VPS13B: variants seen among roughly 807,000 people sequenced by gnomAD.
VPS13B encodes the protein vacuolar protein sorting 13 homolog B.
VPS13B carries 285 observed loss-of-function variants against 426.4 expected under a neutral mutation model. The ratio of observed to expected loss-of-function variants is 0.67; its 90% confidence interval spans 0.61 to 0.74. The LOEUF (loss-of-function observed/expected upper bound fraction) is 0.74. Ranked by LOEUF, VPS13B falls within the 30% of genes least tolerant of loss-of-function variation. The pLI is 0.00. For synonymous variants in VPS13B, 1,676 were observed against 1,676.4 expected (o/e 1.00, Z 0.01); for missense variants, 4,537 against 4,782.6 (o/e 0.95, Z 1.51).
intron 43 of VPS13B, among the ~76,000 whole-genome samples, chr8:99,793,780 G>C (rs2130735821): frequency 6.6e-6 from 1 of 152,250 alleles, no homozygotes; most frequent in South Asian, 2.1e-4. Context: ...GGGCAGGAAG[G>C]ATGGTATATT....
At chr8:99,335,309 C>T (rs1406729801) in intron 19 of VPS13B, among the ~76,000 whole-genome samples, 1 of 152,126 alleles carries the variant, frequency 6.6e-6, no homozygotes, top group Non-Finnish European at 1.5e-5. Flanking sequence ...AAAAAACCAG[C>T]TCCTGGATTC....
intron 34 of VPS13B, among the ~76,000 whole-genome samples, chr8:99,656,573 A>T (rs1830026906): frequency 6.6e-6 from 1 of 152,180 alleles, no homozygotes; most frequent in Non-Finnish European, 1.5e-5. Context: ...TGTAGACCTG[A>T]TGATGGAATT....
intron 21 of VPS13B, among the ~76,000 whole-genome samples, chr8:99,392,462 C>G (rs1814498022): frequency 6.6e-6 from 1 of 151,018 alleles, no homozygotes; most frequent in Non-Finnish European, 1.5e-5. Flanking sequence ...TATGTCTTTT[C>G]TTTAGCTTTA....
At chr8:99,657,595 T>C (rs1221938931) in intron 34 of VPS13B, among the ~76,000 whole-genome samples, 1 of 152,122 alleles carries the variant, frequency 6.6e-6, no homozygotes. Context: ...TCTTTTAGTA[T>C]ATGAGAGTCA....
intron 25 of VPS13B, among the ~76,000 whole-genome samples, chr8:99,496,971 G>A (rs1022045813): frequency 4.7e-5 from 7 of 150,366 alleles, no homozygotes; most frequent in African/African-American, 1.2e-4. Context: ...TTTTGGTAAC[G>A]TCTTCCTTAA....
At chr8:99,289,504 G>A (rs1252441486) in intron 19 of VPS13B, among the ~76,000 whole-genome samples, 1 of 152,066 alleles carries the variant, frequency 6.6e-6, no homozygotes, top group African/African-American at 2.4e-5. Context: ...TTGAGAACTA[G>A]AAAGAACATT....
chr8:99,807,033 G>C (rs1813437458), intron 43 of VPS13B, among the ~76,000 whole-genome samples: 1 of 152,170 alleles, frequency 6.6e-6, no homozygotes, highest in African/African-American at 2.4e-5. Flanking sequence ...ATGATATTTA[G>C]ATGTTTTTTA....
In VPS13B at chr8:99,767,493, C is replaced by CAAAAA. The variant is rs869220303; in HGVS notation, c.7247+544_7247+548dup. 1.3e-3 allele frequency among the ~76,000 whole-genome samples: 42 copies of CAAAAA among 33,310 alleles called. 2 individuals carry two copies. Among genetic ancestry groups the CAAAAA allele is most frequent in the East Asian group, 3.2e-3 (3 of 936 alleles). 21.9% of individuals were successfully genotyped at this position (33,310 alleles called of 152,430 possible). On this transcript the variant is annotated intron_variant, in intron 40 of 61. Coordinates refer to ENST00000357162, the MANE Select transcript of VPS13B (RefSeq NM_152564.5). ...CCTAGGTGACAAAGTGCAACTCTCTCAAAAAAAAAAAAAAAAAAAAAAAAA... is the reference window on the plus strand; with the variant it reads ...CCTAGGTGACAAAGTGCAACTCTCTCAAAAAAAAAAAAAAAAAAAAAAAAAAAAAA...
intron 3 of VPS13B, among the ~76,000 whole-genome samples, chr8:99,050,284 GTTTGGTTT>G (rs1333397535): frequency 6.6e-6 from 1 of 151,874 alleles, no homozygotes; most frequent in Non-Finnish European, 1.5e-5. Context: ...AACATGCAGT[GTTTGGTTT>G]TTTGTCCTTG....
At chr8:99,800,619 T>C (rs533093352) in intron 43 of VPS13B, among the ~76,000 whole-genome samples, 35 of 151,434 alleles carry the variant, frequency 2.3e-4, no homozygotes, top group Admixed American at 3.9e-4. Context: ...TTAGATTTAA[T>C]TTTTTTTTAG....
chr8:99,244,306 T>C (rs1296563467), intron 17 of VPS13B, among the ~76,000 whole-genome samples: 1 of 152,230 alleles, frequency 6.6e-6, no homozygotes, highest in East Asian at 1.9e-4. Context: ...ATTATAAATA[T>C]TTCAAGTTGC....
rs1325259646 is a variant in VPS13B, at chr8:99,143,144, C to T, written c.1822C>T (p.Pro608Ser). The change falls in exon 13 of 62, where the codon CCA becomes TCA. Residue 608 changes from proline (P) to serine (S), a missense_variant. Physicochemically the swap from Pro to Ser is moderately conservative, Grantham distance 74. Coordinates refer to ENST00000357162, the MANE Select transcript of VPS13B (RefSeq NM_152564.5). ...GTGTGCCTTGGAACATGAATATGAA[C>T]CATATAGCAGGCTAAAATCAGGTTT... Reference protein sequence around the residue: ...IVCALEHEYEPYSRLKSDIKD... With the variant: ...IVCALEHEYESYSRLKSDIKD... The T allele has an allele frequency of 3.1e-6, 5 of 1,613,800 alleles. No homozygotes were observed. Among genetic ancestry groups the T allele is most frequent in the Non-Finnish European group, 4.2e-6 (5 of 1,179,946 alleles).
chr8:99,831,076 C>CTTTTTTTTTTTTTTT lies in VPS13B; in HGVS notation c.9331-1279_9331-1278insTTTTTTTTTTTTTTT, dbSNP rs773817774. Among the ~76,000 whole-genome samples the CTTTTTTTTTTTTTTT allele has an allele frequency of 4.2e-3, 507 of 119,984 alleles. 49 individuals carry two copies. The highest frequency in any genetic ancestry group is 0.015 in the African/African-American group (466 of 31,218). 78.7% of individuals were successfully genotyped at this position (119,984 alleles called of 152,430 possible). On this transcript the variant is annotated intron_variant, in intron 51 of 61. Transcript: ENST00000357162. ...CTTGCCCGGGAATTGGTGTTTTTTT[C>CTTTTTTTTTTTTTTT]TTTTTTTTTTTTTTGAGATAGAGTC...
At chr8:99,044,312 T>C (rs928441767) in intron 3 of VPS13B, among the ~76,000 whole-genome samples, 1 of 151,862 alleles carries the variant, frequency 6.6e-6, no homozygotes, top group Admixed American at 6.6e-5. Flanking sequence ...CTCTATCTCC[T>C]GACCTTGTGA....
intron 43 of VPS13B, among the ~76,000 whole-genome samples, chr8:99,796,288 CA>C (rs1360930507): frequency 1.3e-5 from 2 of 151,608 alleles, no homozygotes; most frequent in Non-Finnish European, 2.9e-5. Flanking sequence ...GGATAAAAGC[CA>C]GATTACAGTG....
rs761741488 is a variant in VPS13B at position 99,861,763 on chromosome 8, C to T, written c.11045-13C>T. The stretch of plus-strand genomic sequence containing the variant: ...GCGACAAGGAGGCTAACCCCATGCT[C>T]TTGTTCCCTCAGGTACCCTCACATC... On this transcript the variant is annotated splice_polypyrimidine_tract_variant and intron_variant, in intron 57 of 61. Coordinates refer to ENST00000357162, the MANE Select transcript of VPS13B (RefSeq NM_152564.5). 6.3e-7 allele frequency: 1 copy of T among 1,588,714 alleles called. No individual in the cohort carries two copies. Among genetic ancestry groups the T allele is most frequent in the African/African-American group, 1.3e-5 (1 of 74,624 alleles).
intron 21 of VPS13B, among the ~76,000 whole-genome samples, chr8:99,407,408 G>C (rs1341874617): frequency 1.3e-5 from 2 of 152,068 alleles, no homozygotes; most frequent in Non-Finnish European, 2.9e-5. Context: ...GGTCATCAGT[G>C]CTTCTACAAT....
chr8:99,293,388 A>T (rs1280497631), intron 19 of VPS13B, among the ~76,000 whole-genome samples: 20 of 104,434 alleles, frequency 1.9e-4, no homozygotes, highest in African/African-American at 6.3e-4. Context: ...TACAAAAATC[A>T]ATTCAAGATG....
chr8:99,361,148 A>T (rs2133237021), intron 19 of VPS13B, among the ~76,000 whole-genome samples: 1 of 152,324 alleles, frequency 6.6e-6, no homozygotes, highest in African/African-American at 2.4e-5. Flanking sequence ...TAAGCACTGG[A>T]TAAATAATGG....
Sources: allele counts gnomAD v4.1 joint callset (sites outside exome capture counted in the v4.1 genomes callset), GRCh38; gene constraint gnomAD v4.1.1; transcripts MANE v1.5; gene names NCBI Gene and HGNC (gene_info 2026-07-23, HGNC 2026-07-21).